Variants in RIGI observed in about 807,000 individuals in gnomAD.
The protein encoded by RIGI is RNA sensor RIG-I, also known as antiviral innate immune response receptor RIG-I.
the RIGI span, chr9:32,487,383 C>G: frequency 4.0e-3 from 5,249 of 1,299,770 alleles, 179 homozygotes; most frequent in African/African-American, 0.067. Context: ...GAGAGAGGGT[C>G]AAAGTTCAGT....
chr9:32,524,624 T>G, the RIGI span, among the ~76,000 whole-genome samples: 1 of 140,830 alleles, frequency 7.1e-6, no homozygotes, highest in African/African-American at 2.8e-5. Flanking sequence ...TTTTTTTTTT[T>G]GGAGACAAGA....
the RIGI span, chr9:32,491,543 A>C: frequency 1.5e-6 from 1 of 661,886 alleles, no homozygotes; most frequent in South Asian, 2.3e-5. Flanking sequence ...TCTCACAACC[A>C]CTCCCCTTCA....
At chr9:32,460,154 G>A in the RIGI span, among the ~76,000 whole-genome samples, 5 of 152,074 alleles carry the variant, frequency 3.3e-5, no homozygotes, top group South Asian at 2.1e-4. Context: ...TTCTCTTGCC[G>A]CTGCCATGTA....
the RIGI span, among the ~76,000 whole-genome samples, chr9:32,476,533 G>A: frequency 6.6e-6 from 1 of 152,040 alleles, no homozygotes; most frequent in Non-Finnish European, 1.5e-5. Context: ...ACAACACAGT[G>A]AGGCATTAGA....
chr9:32,485,513 T>G, the RIGI span: 27 of 605,138 alleles, frequency 4.5e-5, no homozygotes, highest in African/African-American at 4.7e-4. Flanking sequence ...TCTTTCATGG[T>G]GTAGGTCTAA....
At chr9:32,488,262 A>T in the RIGI span, 722 of 1,545,140 alleles carry the variant, frequency 4.7e-4, 5 homozygotes, top group South Asian at 8.2e-3. Context: ...AACCACAAAG[A>T]TGAAATGCTA....
the RIGI span, chr9:32,473,109 C>A: frequency 1.5e-6 from 2 of 1,377,514 alleles, no homozygotes; most frequent in South Asian, 1.3e-5. Context: ...CCTTATAAAT[C>A]ATTTGTATTA....
At chr9:32,500,845 T>C in the RIGI span, 12 of 1,614,176 alleles carry the variant, frequency 7.4e-6, no homozygotes, top group Non-Finnish European at 1.0e-5. Context: ...GGAACCAGCC[T>C]TCCTCCTGGA....
the RIGI span, among the ~76,000 whole-genome samples, chr9:32,498,678 C>T: frequency 6.6e-6 from 1 of 152,048 alleles, no homozygotes; most frequent in African/African-American, 2.4e-5. Flanking sequence ...ACCTACTATC[C>T]AACTTAAGAA....
the RIGI span, chr9:32,498,252 G>A: frequency 2.2e-6 from 1 of 456,528 alleles, no homozygotes. Flanking sequence ...CTCCACCCTT[G>A]GATCTTGCTA....
At chr9:32,480,358 T>C in the RIGI span, 3 of 1,580,230 alleles carry the variant, frequency 1.9e-6, no homozygotes, top group Non-Finnish European at 2.6e-6. Flanking sequence ...TATATTTCTG[T>C]TGAAAGTAAA....
At chr9:32,457,210 A>C in the RIGI span, 1 of 1,614,068 alleles carries the variant, frequency 6.2e-7, no homozygotes, top group South Asian at 1.1e-5. Context: ...TCCAGTTGCA[A>C]TATCCTCCAC....
chr9:32,516,993 A>G, the RIGI span, among the ~76,000 whole-genome samples: 7 of 152,248 alleles, frequency 4.6e-5, no homozygotes, highest in African/African-American at 1.7e-4. Context: ...TTAGAATTCA[A>G]CAAACAAATA....
the RIGI span, chr9:32,477,155 A>C: frequency 6.2e-7 from 1 of 1,610,238 alleles, no homozygotes; most frequent in East Asian, 2.2e-5. Context: ...ACATTTTATA[A>C]ATGGCTTATA....
At chr9:32,502,264 CATTTG>C in the RIGI span, among the ~76,000 whole-genome samples, 2 of 152,196 alleles carry the variant, frequency 1.3e-5, no homozygotes, top group African/African-American at 2.4e-5. Flanking sequence ...CATCAGTGGG[CATTTG>C]ATTTGTGTCC....
At chr9:32,473,357 C>T in the RIGI span, among the ~76,000 whole-genome samples, 1 of 134,888 alleles carries the variant, frequency 7.4e-6, no homozygotes, top group Non-Finnish European at 1.5e-5. Flanking sequence ...GCACGATCTT[C>T]GCTCACTGCA....
the RIGI span, among the ~76,000 whole-genome samples, chr9:32,485,982 C>A: frequency 1.8e-4 from 27 of 152,196 alleles, no homozygotes; most frequent in African/African-American, 6.5e-4. Flanking sequence ...AGTATTCACA[C>A]TGATCCTACC....
At chr9:32,500,943 C>A in the RIGI span, 1 of 1,611,358 alleles carries the variant, frequency 6.2e-7, no homozygotes, top group Non-Finnish European at 8.5e-7. Flanking sequence ...ACCTCTTCTA[C>A]AAACAGAAGC....
the RIGI span, among the ~76,000 whole-genome samples, chr9:32,514,424 A>G: frequency 6.6e-6 from 1 of 152,206 alleles, no homozygotes; most frequent in African/African-American, 2.4e-5. Context: ...TGTCCTTTGC[A>G]GGGTCATGGA....
Sources: allele counts gnomAD v4.1 joint callset (sites outside exome capture counted in the v4.1 genomes callset), GRCh38; gene constraint gnomAD v4.1.1; transcripts MANE v1.5; gene names NCBI Gene and HGNC (gene_info 2026-07-23, HGNC 2026-07-21).